Variants in RAB8B observed in about 807,000 individuals in gnomAD.
The protein encoded by RAB8B is ras-related protein Rab-8B.
In RAB8B, 11 loss-of-function variants were observed where a neutral mutation model predicts 32.0. The observed-to-expected ratio is 0.34, with a 90% CI of 0.22 to 0.57. RAB8B has a LOEUF of 0.57. Among genes scored for constraint, RAB8B ranks in the 20% least tolerant of loss-of-function variants. RAB8B has a pLI of 0.86. For missense variants in RAB8B, 190 were observed against 258.5 expected (o/e 0.73, Z 1.82); for synonymous variants, 103 against 89.6 (o/e 1.15, Z -0.85).
Position 63,220,689 on chromosome 15 carries a change from A to G in RAB8B, c.125-24067A>G, listed in dbSNP as rs143476105. On this transcript the variant is annotated intron_variant, in intron 1 of 7. Coordinates refer to ENST00000321437, the MANE Select transcript of RAB8B (RefSeq NM_016530.3). ...ATTAAGATTCATTCCAGTAGGATCA[A>G]TCTAGACATATGTAAACCTGATTGT... 5.6e-3 allele frequency among the ~76,000 whole-genome samples: 850 copies of G among 152,338 alleles called. 7 individuals are homozygous for G. The highest frequency in any genetic ancestry group is 0.018 in the African/African-American group (759 of 41,576).
intron 1 of RAB8B, 130 bp downstream of exon 1, chr15:63,189,878 CTGAGAGGGGCGAGGGCGTGAG>C: frequency 1.0e-6 from 1 of 1,003,838 alleles, no homozygotes; most frequent in South Asian, 2.0e-5. Flanking sequence ...GGCGGGGGCA[CTGAGAGGGGCGAGGGCGTGAG>C]GGAGAGGGGC....
chr15:63,230,095 G>T (rs971114882), intron 1 of RAB8B, among the ~76,000 whole-genome samples: 1 of 151,950 alleles, frequency 6.6e-6, no homozygotes, highest in African/African-American at 2.4e-5. Flanking sequence ...GCATTACTCT[G>T]TTGGTTGTAA....
chr15:63,258,639 T>C (rs1384185120), intron 5 of RAB8B, among the ~76,000 whole-genome samples: 1 of 152,184 alleles, frequency 6.6e-6, no homozygotes, highest in Non-Finnish European at 1.5e-5. Flanking sequence ...GGGAGTGGGC[T>C]TGAGCAAGCA....
chr15:63,257,474 C>A (rs1361288079), intron 5 of RAB8B, among the ~76,000 whole-genome samples: 1 of 151,974 alleles, frequency 6.6e-6, no homozygotes, highest in African/African-American at 2.4e-5. Flanking sequence ...GCCGTGCTGG[C>A]CAGGCTGCTC....
chr15:63,256,845 C>T (rs190709978), intron 5 of RAB8B, among the ~76,000 whole-genome samples: 2 of 152,284 alleles, frequency 1.3e-5, no homozygotes, highest in Non-Finnish European at 2.9e-5. Flanking sequence ...ACAAATTGGT[C>T]CTTTCTCAGA....
intron 3 of RAB8B, among the ~76,000 whole-genome samples, chr15:63,250,983 A>G (rs1215443219): frequency 6.6e-6 from 1 of 151,744 alleles, no homozygotes; most frequent in Non-Finnish European, 1.5e-5. Flanking sequence ...AGATCCCCTC[A>G]CTGACATGCT....
chr15:63,244,430 T>C (rs2038055708), intron 1 of RAB8B, among the ~76,000 whole-genome samples: 1 of 152,168 alleles, frequency 6.6e-6, no homozygotes, highest in Non-Finnish European at 1.5e-5. Flanking sequence ...ATAGGAAGCA[T>C]TGTTTATATG....
rs770801633 is a variant in RAB8B at position 63,259,840 on chromosome 15, AT to A, written c.480+161del. The A allele has an allele frequency of 0.13, 64,339 of 506,466 alleles. No individual in the cohort carries two copies. The highest frequency in any genetic ancestry group is 0.19 in the South Asian group (6,902 of 36,020). 31.4% of individuals were successfully genotyped at this position (506,466 alleles called of 1,614,324 possible). A position where few individuals can be genotyped will look rare whatever the true frequency, so the allele number is the denominator to read the frequency against. The stretch of plus-strand genomic sequence containing the variant: ...TACTTTGTACACTTTTGTGCTTCTG[AT>A]TTTTTTTTTTTTGAGATGGAGTCTC... On this transcript the variant is annotated intron_variant, in intron 6 of 7. Coordinates refer to ENST00000321437, the MANE Select transcript of RAB8B (RefSeq NM_016530.3). This position sits in a 1 kb window ranked among gnomAD's most constrained non-coding sequence, Gnocchi z 4.4.
intron 6 of RAB8B, among the ~76,000 whole-genome samples, chr15:63,260,897 AT>A (rs1339837083): frequency 6.6e-6 from 1 of 152,212 alleles, no homozygotes. Context: ...CGAGACCTAC[AT>A]GACTTTATTA....
intron 1 of RAB8B, among the ~76,000 whole-genome samples, chr15:63,193,647 A>G (rs779837999): frequency 2.0e-5 from 3 of 151,252 alleles, no homozygotes; most frequent in Non-Finnish European, 4.4e-5. Flanking sequence ...CGTCTCTACT[A>G]AAAAATACAA....
rs372673793 is a variant in RAB8B at position 63,267,144 on chromosome 15, T to C, written c.*3525T>C. ...CCTAGACGGACAGGATATGCTAAAA[T>C]AATTTCAAATTCTAGCACAATTTTA... is the stretch of plus-strand genomic sequence containing the variant. On this transcript the variant is annotated 3_prime_UTR_variant, in exon 8 of 8. Coordinates refer to ENST00000321437, the MANE Select transcript of RAB8B (RefSeq NM_016530.3). 6.6e-6 allele frequency: 1 copy of C among 152,558 alleles called. No homozygotes were observed. Among genetic ancestry groups the C allele is most frequent in the Admixed American group, 6.5e-5 (1 of 15,278 alleles). The allele number at this position is 152,558 out of a possible 1,614,324, so 9.5% of individuals were successfully genotyped here. A position where few individuals can be genotyped will look rare whatever the true frequency, so the allele number is the denominator to read the frequency against.
At chr15:63,246,151 G>A (rs1411304612) in intron 2 of RAB8B, among the ~76,000 whole-genome samples, 1 of 152,312 alleles carries the variant, frequency 6.6e-6, no homozygotes, top group South Asian at 2.1e-4. Context: ...GGGATTACAG[G>A]CGTGAGCCAC....
chr15:63,253,382 C>T (rs1006678008), intron 3 of RAB8B, among the ~76,000 whole-genome samples: 1 of 152,044 alleles, frequency 6.6e-6, no homozygotes, highest in East Asian at 1.9e-4. Context: ...AAGTTGGAAG[C>T]CAGACCTGGA....
intron 3 of RAB8B, among the ~76,000 whole-genome samples, 153 bp downstream of exon 3, chr15:63,249,858 C>T (rs1003120073): frequency 1.3e-5 from 2 of 152,060 alleles, no homozygotes; most frequent in Non-Finnish European, 2.9e-5. Flanking sequence ...TTTTGGGGGC[C>T]GGGCGCGGTG....
At chr15:63,214,473 G>A (rs1248078389) in intron 1 of RAB8B, among the ~76,000 whole-genome samples, 1 of 151,598 alleles carries the variant, frequency 6.6e-6, no homozygotes, top group Non-Finnish European at 1.5e-5. Flanking sequence ...TGTATTTTCA[G>A]TAGAGACGGG....
At chr15:63,205,223 C>T (rs2037688233) in intron 1 of RAB8B, among the ~76,000 whole-genome samples, 1 of 152,180 alleles carries the variant, frequency 6.6e-6, no homozygotes, top group Non-Finnish European at 1.5e-5. Context: ...TCGCTTGAAC[C>T]CAGGAGATGG....
chr15:63,249,733 C>T (rs772660512), intron 3 of RAB8B, 28 bp downstream of exon 3: 3 of 1,598,696 alleles, frequency 1.9e-6, no homozygotes, highest in Non-Finnish European at 2.6e-6. Context: ...TTTTGTAACT[C>T]TTCAGGTAGA....
At chr15:63,262,776 G>A (rs1243795380) in intron 7 of RAB8B, 34 bp downstream of exon 7, 1 of 1,173,728 alleles carries the variant, frequency 8.5e-7, no homozygotes, top group Non-Finnish European at 1.2e-6. Context: ...TTTCCATTAT[G>A]CTGTCTGTTT....
intron 1 of RAB8B, among the ~76,000 whole-genome samples, chr15:63,217,789 C>T (rs1315706623): frequency 1.3e-5 from 2 of 152,130 alleles, no homozygotes; most frequent in Non-Finnish European, 2.9e-5. Flanking sequence ...AAGGGTAGAT[C>T]GCTATGTTTA....
Sources: allele counts gnomAD v4.1 joint callset (sites outside exome capture counted in the v4.1 genomes callset), GRCh38; gene constraint gnomAD v4.1.1; non-coding constraint Gnocchi (gnomAD v3.1); transcripts MANE v1.5; gene names NCBI Gene and HGNC (gene_info 2026-07-23, HGNC 2026-07-21).